Variants in PPP6R3 observed in about 807,000 individuals in gnomAD.
The protein encoded by PPP6R3 is protein phosphatase 6 regulatory subunit 3.
Under a neutral mutation model 110.7 loss-of-function variants are expected in PPP6R3, and 38 were observed. The ratio of observed to expected loss-of-function variants is 0.34; its 90% confidence interval spans 0.26 to 0.45. PPP6R3 has a LOEUF of 0.45. PPP6R3 is among the 20% of genes least tolerant of loss of function. The pLI, the probability that PPP6R3 is intolerant of heterozygous loss-of-function variation, is 1.00. For missense variants in PPP6R3, 870 were observed against 1,062.4 expected, an observed-to-expected ratio of 0.82 and a Z score of 2.52; for synonymous variants, 369 against 373.5, an observed-to-expected ratio of 0.99 and a Z score of 0.14.
intron 7 of PPP6R3, 109 bp from the exon 8 acceptor site, chr11:68,558,457 C>T (rs193018885): frequency 3.1e-6 from 2 of 642,536 alleles, no homozygotes; most frequent in East Asian, 2.9e-5. Flanking sequence ...AACAAATATG[C>T]CCAAGTATGA....
At chr11:68,550,560 A>G (rs1173086167) in intron 5 of PPP6R3, among the ~76,000 whole-genome samples, 1 of 152,210 alleles carries the variant, frequency 6.6e-6, no homozygotes, top group Non-Finnish European at 1.5e-5. Flanking sequence ...GGAGATGGCC[A>G]TAGCTCTTTG....
rs764545540 is a variant in PPP6R3 at position 68,587,990 on chromosome 11, G to A, written c.1696G>A (p.Asp566Asn). Reference protein sequence around the residue: ...SNFIDQFGFNDEKFADQDDIG... With the variant: ...SNFIDQFGFNNEKFADQDDIG... Reference sequence around the variant, plus strand: ...TTTTATTGACCAGTTTGGCTTCAACGATGAGAAGTTTGCAGATCAAGATGA... The same window carrying A: ...TTTTATTGACCAGTTTGGCTTCAACAATGAGAAGTTTGCAGATCAAGATGA... Residue 566 changes from aspartate (D) to asparagine (N), a missense_variant, in exon 16 of 24, where the codon GAT becomes AAT. Transcript: ENST00000393800. The A allele has an allele frequency of 2.5e-6, 4 of 1,614,190 alleles. No homozygotes were observed. Among genetic ancestry groups the A allele is most frequent in the Non-Finnish European group, 2.5e-6 (3 of 1,180,022 alleles).
chr11:68,588,052 T>C, intron 16 of PPP6R3, 28 bp downstream of exon 16: 3 of 1,568,716 alleles, frequency 1.9e-6, no homozygotes, highest in Non-Finnish European at 1.8e-6. Context: ...TTTCCGCTGT[T>C]GCTCTTGCAC....
At chr11:68,486,118 T>C (rs1306555293) in intron 1 of PPP6R3, among the ~76,000 whole-genome samples, 1 of 151,946 alleles carries the variant, frequency 6.6e-6, no homozygotes, top group Non-Finnish European at 1.5e-5. Context: ...TATTTGGTTG[T>C]GGTATATAAT....
intron 19 of PPP6R3, 26 bp downstream of exon 19, chr11:68,596,244 G>T (rs2099613599): frequency 1.2e-5 from 19 of 1,613,952 alleles, no homozygotes; most frequent in Non-Finnish European, 1.6e-5. Flanking sequence ...CTTCAGATCA[G>T]CTGCCCTGTG....
chr11:68,563,896 A>C (rs979482352), intron 8 of PPP6R3, among the ~76,000 whole-genome samples: 1 of 152,146 alleles, frequency 6.6e-6, no homozygotes, highest in Non-Finnish European at 1.5e-5. Flanking sequence ...TCTAAGAAAA[A>C]CTGTATGGAA....
intron 18 of PPP6R3, 60 bp from the exon 19 acceptor site, chr11:68,596,037 T>G: frequency 6.2e-7 from 1 of 1,603,560 alleles, no homozygotes; most frequent in Non-Finnish European, 8.5e-7. Flanking sequence ...GTTAGAATTT[T>G]CTGGATTTAG....
At position 68,613,759 on chromosome 11, in the gene PPP6R3, T is replaced by C. The variant is rs1944582287; in HGVS notation, c.*642T>C. 1 of 855,848 alleles carries C rather than the reference T, an allele frequency of 1.2e-6. No individual in the cohort carries two copies. Among genetic ancestry groups the C allele is most frequent in the Non-Finnish European group, 1.4e-6 (1 of 714,594 alleles). 53.0% of individuals were successfully genotyped at this position (855,848 alleles called of 1,614,324 possible). ...GTCTATTGGTAGAGATTAAGTAAAG[T>C]ATTTATTGCTACATCATAGTTGATA... On this transcript the variant is annotated 3_prime_UTR_variant, in exon 24 of 24. Transcript: ENST00000393800.
chr11:68,567,753 G>A (rs912325134), intron 10 of PPP6R3, among the ~76,000 whole-genome samples: 3 of 152,182 alleles, frequency 2.0e-5, no homozygotes, highest in Admixed American at 1.3e-4. Flanking sequence ...GCCACCCACA[G>A]CACAGAAAGC....
intron 2 of PPP6R3, among the ~76,000 whole-genome samples, chr11:68,529,240 A>G (rs1326966192): frequency 6.6e-6 from 1 of 152,126 alleles, no homozygotes; most frequent in South Asian, 2.1e-4. Context: ...GTTTTTCCAG[A>G]TGGAGTCTCA....
At chr11:68,462,573 G>A (rs761154906) in intron 1 of PPP6R3, among the ~76,000 whole-genome samples, 3 of 152,142 alleles carry the variant, frequency 2.0e-5, no homozygotes, top group Non-Finnish European at 4.4e-5. Context: ...AACTGTAAGG[G>A]TGCCGTGGAT....
At position 68,544,842 on chromosome 11, in the gene PPP6R3, C is replaced by A; in HGVS notation, c.232C>A (p.Pro78Thr). 1 of 1,583,364 alleles carries A rather than the reference C, an allele frequency of 6.3e-7. No individual in the cohort carries two copies. The highest frequency in any genetic ancestry group is 8.7e-7 in the Non-Finnish European group (1 of 1,155,548). ...DMDEKIRYKY[P>T]NISCELLTSD... ...GTAAATATCCTGTTCTTCTAGGTAT[C>A]CAAATATATCTTGTGAGTTGCTCAC... The change falls in exon 4 of 24, where the codon CCA becomes ACA. Residue 78 changes from proline to threonine, a missense_variant. Physicochemically the swap from Pro to Thr is conservative, Grantham distance 38 (BLOSUM62 -1). Transcript: ENST00000393800.
chr11:68,564,422 A>G lies in PPP6R3; in HGVS notation c.965A>G (p.Glu322Gly). The change falls in exon 9 of 24, where the codon GAG becomes GGG. Residue 322 changes from glutamate to glycine, a missense_variant. By Grantham distance (98) the Glu-to-Gly change is moderately conservative. Transcript: ENST00000393800. ...RLGSFHELLLEPPKKSVMKTT... is the reference protein window; with the variant it reads ...RLGSFHELLLGPPKKSVMKTT... ...GGATCTTTTCATGAACTCCTGCTGG[A>G]GCCACCCAAGGTAGGGGAGCTATGT... The G allele has an allele frequency of 6.2e-7, 1 of 1,614,042 alleles. No individual in the cohort carries two copies. Among genetic ancestry groups the G allele is most frequent in the African/African-American group, 1.3e-5 (1 of 75,044 alleles).
chr11:68,510,543 C>A (rs2099103730), intron 1 of PPP6R3, among the ~76,000 whole-genome samples: 1 of 152,004 alleles, frequency 6.6e-6, no homozygotes, highest in African/African-American at 2.4e-5. Flanking sequence ...GCCATGTTAC[C>A]CAGGCTGGTC....
chr11:68,469,540 A>AT lies in PPP6R3; in HGVS notation c.-158+8729dup, dbSNP rs376996871. On this transcript the variant is annotated intron_variant, in intron 1 of 23. Coordinates refer to ENST00000393800, the MANE Select transcript of PPP6R3 (RefSeq NM_001164161.2). Reference sequence around the variant, plus strand: ...AGGCACATGCTACTACACCCAGGTAATTTTTTTTTTTTTTTTCTTGTAGAG... The same window carrying AT: ...AGGCACATGCTACTACACCCAGGTAATTTTTTTTTTTTTTTTTCTTGTAGAG... 6.7e-3 allele frequency among the ~76,000 whole-genome samples: 950 copies of AT among 141,094 alleles called. 8 individuals carry two copies. The highest frequency in any genetic ancestry group is 0.021 in the Admixed American group (299 of 14,118). The allele number at this position is 141,094 out of a possible 152,430, so 92.6% of individuals were successfully genotyped here. A position where few individuals can be genotyped will look rare whatever the true frequency, so the allele number is the denominator to read the frequency against.
intron 1 of PPP6R3, among the ~76,000 whole-genome samples, chr11:68,500,328 C>A (rs772637839): frequency 6.6e-6 from 1 of 151,732 alleles, no homozygotes; most frequent in Non-Finnish European, 1.5e-5. Context: ...TTGCTCTTCT[C>A]CCACCATGCC....
At chr11:68,502,120 G>C (rs1380104857) in intron 1 of PPP6R3, among the ~76,000 whole-genome samples, 1 of 152,236 alleles carries the variant, frequency 6.6e-6, no homozygotes, top group South Asian at 2.1e-4. Context: ...GCTCAGGACA[G>C]TGTTTCTACG....
chr11:68,557,599 A>G (rs150633202), intron 7 of PPP6R3, among the ~76,000 whole-genome samples: 84 of 151,662 alleles, frequency 5.5e-4, no homozygotes, highest in African/African-American at 1.8e-3. Flanking sequence ...GCTTACCGCA[A>G]CCTCTGCCTG....
chr11:68,499,720 G>A (rs1026866772), intron 1 of PPP6R3, among the ~76,000 whole-genome samples: 2 of 151,860 alleles, frequency 1.3e-5, no homozygotes, highest in African/African-American at 4.8e-5. Context: ...CCACAGTTGC[G>A]CGCACCACCA....
Sources: allele counts gnomAD v4.1 joint callset (sites outside exome capture counted in the v4.1 genomes callset), GRCh38; gene constraint gnomAD v4.1.1; transcripts MANE v1.5; gene names NCBI Gene and HGNC (gene_info 2026-07-23, HGNC 2026-07-21).